Variants in HAPLN1 observed in about 807,000 individuals in gnomAD.
The protein encoded by HAPLN1 is hyaluronan and proteoglycan link protein 1.
In HAPLN1, 13 loss-of-function variants were observed where a neutral mutation model predicts 36.5. The ratio of observed to expected loss-of-function variants is 0.36; its 90% CI spans 0.23 to 0.57. The LOEUF is 0.57. Ranked by LOEUF, HAPLN1 falls within the 20% of genes least tolerant of loss-of-function variation. The probability of loss-of-function intolerance (pLI) is 0.83; values close to 1 mark genes in which losing one functional copy is unlikely to be tolerated. For missense variants in HAPLN1, 407 were observed against 439.7 expected (o/e 0.93, Z 0.66); for synonymous variants, 202 against 169.8 (o/e 1.19, Z -1.48).
intron 1 of HAPLN1, among the ~76,000 whole-genome samples, chr5:83,676,144 G>GTGCACACATACACAGAGATA (rs71605867): frequency 3.3e-4 from 49 of 148,396 alleles, no homozygotes; most frequent in South Asian, 6.3e-4. Flanking sequence ...GTTCACATGT[G>GTGCACACATACACAGAGATA]TGCACACATA....
intron 1 of HAPLN1, among the ~76,000 whole-genome samples, chr5:83,700,822 A>G (rs1008444816): frequency 1.4e-4 from 21 of 152,158 alleles, no homozygotes; most frequent in Admixed American, 1.3e-3. Context: ...AAGAGTAACC[A>G]TATGTAATGA....
chr5:83,716,104 C>T (rs188572712), intron 1 of HAPLN1, among the ~76,000 whole-genome samples: 75 of 151,070 alleles, frequency 5.0e-4, no homozygotes, highest in African/African-American at 1.5e-3. Context: ...AATAACAGAG[C>T]GAAAATGAGA....
At chr5:83,645,930 G>T (rs1749861466) in intron 3 of HAPLN1, among the ~76,000 whole-genome samples, 1 of 152,152 alleles carries the variant, frequency 6.6e-6, no homozygotes, top group African/African-American at 2.4e-5. Flanking sequence ...GTACAGAATA[G>T]ACATCCATTG....
At chr5:83,699,394 C>G (rs973454122) in intron 1 of HAPLN1, among the ~76,000 whole-genome samples, 8 of 152,110 alleles carry the variant, frequency 5.3e-5, no homozygotes, top group Non-Finnish European at 1.0e-4. Context: ...TGTAAATCAC[C>G]ACGGCCTAGG....
chr5:83,718,379 T>A (rs1751959237), intron 1 of HAPLN1, among the ~76,000 whole-genome samples: 1 of 152,156 alleles, frequency 6.6e-6, no homozygotes, highest in South Asian at 2.1e-4. Flanking sequence ...GAAAGCCTTC[T>A]TTGACTTATC....
chr5:83,661,180 T>G (rs1301994659), intron 2 of HAPLN1, among the ~76,000 whole-genome samples: 1 of 143,366 alleles, frequency 7.0e-6, no homozygotes, highest in Non-Finnish European at 1.6e-5. Context: ...TCTTTCCACC[T>G]ATGCCTATGT....
intron 1 of HAPLN1, among the ~76,000 whole-genome samples, chr5:83,717,290 A>G (rs1751937203): frequency 6.6e-6 from 1 of 152,202 alleles, no homozygotes; most frequent in Admixed American, 6.5e-5. Flanking sequence ...ACCTCCAATC[A>G]GCACAGGTTA....
intron 1 of HAPLN1, among the ~76,000 whole-genome samples, chr5:83,683,531 G>A (rs906838103): frequency 3.9e-5 from 6 of 152,168 alleles, no homozygotes; most frequent in African/African-American, 1.4e-4. Context: ...GACAGTTGAG[G>A]ATAATGTGCC....
At position 83,699,703 on chromosome 5, in the gene HAPLN1, C is replaced by T. The variant is rs1751464341; in HGVS notation, c.-27+21086G>A. On this transcript the variant is annotated intron_variant, in intron 1 of 4. Coordinates refer to ENST00000274341, the MANE Select transcript of HAPLN1 (RefSeq NM_001884.4). ...ATTTGTGATTCACGGGAACATTCTG[C>T]TACATAAATGAAATGTGTAAACAAA... 2.0e-5 allele frequency among the ~76,000 whole-genome samples: 3 copies of T among 152,146 alleles called. No homozygotes were observed. The South Asian group carries it at 6.2e-4, about 31-fold the overall frequency.
chr5:83,707,858 G>A (rs1473774829), intron 1 of HAPLN1, among the ~76,000 whole-genome samples: 1 of 151,948 alleles, frequency 6.6e-6, no homozygotes, highest in Non-Finnish European at 1.5e-5. Context: ...AAATTTACAG[G>A]AGAAAAAGGA....
intron 2 of HAPLN1, among the ~76,000 whole-genome samples, chr5:83,669,991 C>T (rs1750662145): frequency 6.6e-6 from 1 of 152,178 alleles, no homozygotes; most frequent in Non-Finnish European, 1.5e-5. Context: ...ATGCAGGAAG[C>T]ACTGACTCTG....
chr5:83,691,369 T>C (rs957319291), intron 1 of HAPLN1, among the ~76,000 whole-genome samples: 5 of 152,040 alleles, frequency 3.3e-5, no homozygotes, highest in African/African-American at 1.2e-4. Context: ...GTGAGAAATC[T>C]ATCCAAGTCT....
Position 83,639,704 on chromosome 5 carries a change from A to C in HAPLN1, c.*1792T>G, listed in dbSNP as rs1439793627. The C allele has an allele frequency of 6.6e-6, 1 of 152,090 alleles. No individual in the cohort carries two copies. The highest frequency in any genetic ancestry group is 1.5e-5 in the Non-Finnish European group (1 of 67,946). The allele number at this position is 152,090 out of a possible 1,614,324, so 9.4% of individuals were successfully genotyped here. A position where few individuals can be genotyped will look rare whatever the true frequency, so the allele number is the denominator to read the frequency against. On this transcript the variant is annotated 3_prime_UTR_variant, in exon 5 of 5. Transcript: ENST00000274341. ...CCACCAGTGTTTGAGTTTAAACTTTACAAACTCTTTGGATTTATAGTTTTG... is the reference window on the plus strand; with the variant it reads ...CCACCAGTGTTTGAGTTTAAACTTTCCAAACTCTTTGGATTTATAGTTTTG...
intron 1 of HAPLN1, among the ~76,000 whole-genome samples, chr5:83,711,229 G>A (rs1474269102): frequency 6.6e-6 from 1 of 152,144 alleles, no homozygotes; most frequent in Non-Finnish European, 1.5e-5. Context: ...GAATTAGAGA[G>A]GCTTGCACAT....
intron 1 of HAPLN1, among the ~76,000 whole-genome samples, chr5:83,711,198 G>T (rs567975272): frequency 1.3e-5 from 2 of 152,228 alleles, no homozygotes; most frequent in East Asian, 3.9e-4. Flanking sequence ...ACAGTGAGAG[G>T]GTGGCTTCTA....
intron 4 of HAPLN1, among the ~76,000 whole-genome samples, chr5:83,642,246 A>G (rs1361608416): frequency 1.3e-5 from 2 of 152,206 alleles, no homozygotes; most frequent in Admixed American, 1.3e-4. Flanking sequence ...AAAAATCAAA[A>G]GCCCTCAAGT....
At chr5:83,712,468 A>G (rs895398498) in intron 1 of HAPLN1, among the ~76,000 whole-genome samples, 2 of 152,166 alleles carry the variant, frequency 1.3e-5, no homozygotes, top group Admixed American at 6.5e-5. Flanking sequence ...CAGGATAATT[A>G]TTAGCACATA....
intron 2 of HAPLN1, among the ~76,000 whole-genome samples, chr5:83,665,143 T>C (rs1488102249): frequency 6.6e-6 from 1 of 152,020 alleles, no homozygotes; most frequent in Non-Finnish European, 1.5e-5. Flanking sequence ...ATTTAAAAAT[T>C]TGTAATTTAC....
At chr5:83,718,488 T>A (rs1038613224) in intron 1 of HAPLN1, among the ~76,000 whole-genome samples, 1 of 152,222 alleles carries the variant, frequency 6.6e-6, no homozygotes, top group Non-Finnish European at 1.5e-5. Context: ...TTATACCACC[T>A]CGTCCTCTCT....
Sources: gnomAD v4.1 joint callset for allele counts (sites outside exome capture counted in the v4.1 genomes callset) on GRCh38, gnomAD v4.1.1 for gene constraint, MANE v1.5 for transcripts, NCBI Gene and HGNC (gene_info 2026-07-23, HGNC 2026-07-21) for gene names.